The following ASMT variants were observed in gnomAD, a reference collection of about 807,000 sequenced individuals.
ASMT encodes the protein acetylserotonin O-methyltransferase.
ASMT carries 53 observed loss-of-function variants against 41.3 expected under a neutral mutation model. The observed-to-expected ratio is 1.28, with a 90% CI of 1.03 to 1.61. The LOEUF is 1.61. Among genes scored for constraint, ASMT ranks in the 40% most tolerant of loss-of-function variants. The pLI, the probability that ASMT is intolerant of heterozygous loss-of-function variation, is 0.00. For synonymous variants in ASMT, 231 were observed against 184.8 expected (o/e 1.25, Z -2.03); for missense variants, 531 against 441.3 (o/e 1.20, Z -1.82).
chrX:1,619,554 TA>T, intron 1 of ASMT, among the ~76,000 whole-genome samples: 1 of 130,104 alleles, frequency 7.7e-6, no homozygotes, highest in Middle Eastern at 3.4e-3. Context: ...TAAAGTATAA[TA>T]ATAATAATAA....
At chrX:1,628,011 CAG>C in intron 4 of ASMT, 1 of 602,584 alleles carries the variant, frequency 1.7e-6, no homozygotes, top group Non-Finnish European at 3.0e-6. Context: ...CTCACAAACT[CAG>C]TGTTTATGTA....
chrX:1,642,944 C>G lies in ASMT; in HGVS notation c.1052C>G (p.Ser351Cys). The change falls in exon 9 of 9, where the codon TCT (serine) becomes TGT (cysteine). Residue 351 changes from serine to cysteine, a missense_variant. Physicochemically the swap from Ser to Cys is moderately radical, Grantham distance 112. Coordinates refer to ENST00000381241, the MANE Select transcript of ASMT (RefSeq NM_001171038.2). ...TPTHYHMLLS[S>C]AGFRDFQFKK... ...ACCCACTACCACATGCTCCTCTCTT[C>G]TGCTGGCTTCAGAGACTTCCAGTTT... 1 of 1,614,012 alleles carries G rather than the reference C, an allele frequency of 6.2e-7. No individual in the cohort carries two copies. The highest frequency in any genetic ancestry group is 1.1e-5 in the South Asian group (1 of 91,074).
At chrX:1,619,809 G>A (rs1212587280) in intron 1 of ASMT, among the ~76,000 whole-genome samples, 5 of 151,248 alleles carry the variant, frequency 3.3e-5, no homozygotes, top group African/African-American at 7.3e-5. Context: ...AGGTTAATAC[G>A]GGCCGGGCGT....
chrX:1,632,861 G>A, intron 6 of ASMT, 74 bp downstream of exon 6: 1 of 524,600 alleles, frequency 1.9e-6, no homozygotes, highest in South Asian at 2.1e-5. Flanking sequence ...CAGGGCCTGG[G>A]GGGCTGGGAG....
At chrX:1,634,796 T>G (rs754388656) in intron 7 of ASMT, among the ~76,000 whole-genome samples, 1 of 151,546 alleles carries the variant, frequency 6.6e-6, no homozygotes, top group East Asian at 1.9e-4. Flanking sequence ...CCTAAGTAGC[T>G]GAGATTTTAC....
intron 1 of ASMT, among the ~76,000 whole-genome samples, chrX:1,620,087 C>T (rs1182554022): frequency 1.8e-4 from 26 of 148,160 alleles, no homozygotes; most frequent in East Asian, 3.9e-4. Context: ...AGCCAGACTC[C>T]GTCTCAAAAT....
chrX:1,620,782 G>A (rs1460354893), intron 1 of ASMT, among the ~76,000 whole-genome samples: 56 of 152,090 alleles, frequency 3.7e-4, no homozygotes, highest in Non-Finnish European at 5.9e-4. Flanking sequence ...CCAGCTAGTC[G>A]GGAGGCTGAG....
chrX:1,632,524 G>A (rs1461300085), intron 5 of ASMT, among the ~76,000 whole-genome samples, 180 bp from the exon 6 acceptor site: 2 of 152,088 alleles, frequency 1.3e-5, no homozygotes, highest in Non-Finnish European at 2.9e-5. Flanking sequence ...GCGTGGTGGC[G>A]GGCGCCTGTA....
Position 1,627,665 on chromosome X carries a change from A to AAAT in ASMT, c.375-37_375-35dup, listed in dbSNP as rs1367883739. The AAAT allele has an allele frequency of 2.3e-5, 30 of 1,285,572 alleles. 1 individual carries two copies. Among genetic ancestry groups the AAAT allele is most frequent in the Non-Finnish European group, 3.3e-5 (30 of 908,362 alleles). 79.6% of individuals were successfully genotyped at this position (1,285,572 alleles called of 1,614,324 possible). ...AAATGAAATGAAATGAAATGAAATG[A>AAAT]AATGAAATGAAAATCAGCCTTCTCT... On this transcript the variant is annotated intron_variant, in intron 3 of 8. Transcript: ENST00000381241.
chrX:1,631,389 G>A (rs1423976517), intron 5 of ASMT, among the ~76,000 whole-genome samples: 1 of 151,460 alleles, frequency 6.6e-6, no homozygotes, highest in Admixed American at 6.6e-5. Context: ...CCAACCCCGA[G>A]CTCACCCCTT....
intron 5 of ASMT, among the ~76,000 whole-genome samples, chrX:1,630,804 T>C (rs1439577213): frequency 6.6e-6 from 1 of 151,970 alleles, no homozygotes; most frequent in East Asian, 1.9e-4. Context: ...GCAATCCTGC[T>C]GCCTCAGCCT....
chrX:1,633,617 A>G (rs1332106358), intron 7 of ASMT, among the ~76,000 whole-genome samples: 1 of 150,296 alleles, frequency 6.7e-6, no homozygotes, highest in African/African-American at 2.5e-5. Context: ...CTGGGATTAC[A>G]GGCATGCGCC....
intron 7 of ASMT, among the ~76,000 whole-genome samples, chrX:1,636,056 T>A (rs35956034): frequency 0.052 from 7,820 of 149,428 alleles, 703 homozygotes; most frequent in African/African-American, 0.18. Context: ...CCCGGGTTCA[T>A]GCCATTCTCC....
chrX:1,640,619 A>T (rs868465850), intron 8 of ASMT, among the ~76,000 whole-genome samples: 1,490 of 13,020 alleles, frequency 0.11, 60 homozygotes, highest in Non-Finnish European at 0.17. Flanking sequence ...TCTGTGTGTG[A>T]GATAGGGACC....
chrX:1,620,680 C>T (rs1934305692), intron 1 of ASMT, among the ~76,000 whole-genome samples: 1 of 151,950 alleles, frequency 6.6e-6, no homozygotes, highest in Non-Finnish European at 1.5e-5. Flanking sequence ...GCAGGCAGAT[C>T]ACGAGGTCAG....
chrX:1,616,424 T>G (rs1213115889), intron 1 of ASMT, among the ~76,000 whole-genome samples: 1 of 151,412 alleles, frequency 6.6e-6, no homozygotes, highest in Non-Finnish European at 1.5e-5. Flanking sequence ...GAAAGTGGAC[T>G]GGTGGTTTGC....
chrX:1,635,994 C>T (rs747124913), intron 7 of ASMT, among the ~76,000 whole-genome samples: 13 of 148,892 alleles, frequency 8.7e-5, no homozygotes, highest in East Asian at 4.0e-4. Flanking sequence ...GTCTCGCTGT[C>T]GCCCAGGCTG....
intron 8 of ASMT, 75 bp downstream of exon 8, chrX:1,636,635 AG>A: frequency 6.2e-7 from 1 of 1,610,916 alleles, no homozygotes; most frequent in Non-Finnish European, 8.5e-7. Context: ...TTTAGAAGGC[AG>A]GCACTGAAAT....
rs6644635 is a variant in ASMT, at chrX:1,615,101, T to C, written c.-99T>C. On this transcript the variant is annotated 5_prime_UTR_variant, in exon 1 of 9. Transcript: ENST00000381241. ...GCAGCAGGGAGAGTCAGGCAGCAGC[T>C]GTGAGCGGGTGGCTCTTCCCCACCT... The C allele has an allele frequency of 0.65, 643,016 of 996,040 alleles. 206,718 individuals carry two copies. The highest frequency in any genetic ancestry group is 0.79 in the African/African-American group (50,046 of 63,050). The allele number at this position is 996,040 out of a possible 1,614,324, so 61.7% of individuals were successfully genotyped here.
Sources: gnomAD v4.1 joint callset for allele counts (sites outside exome capture counted in the v4.1 genomes callset) on GRCh38, gnomAD v4.1.1 for gene constraint, MANE v1.5 for transcripts, NCBI Gene and HGNC (gene_info 2026-07-23, HGNC 2026-07-21) for gene names.